The following MLH3 variants were observed in gnomAD, a reference collection of about 807,000 sequenced individuals.
The protein encoded by MLH3 is mutL homolog 3.
A neutral mutation model predicts 122.2 loss-of-function variants in MLH3; 82 were observed. The observed-to-expected ratio is 0.67, with a 90% CI of 0.56 to 0.81. The LOEUF is 0.81. MLH3 is among the 30% of genes least tolerant of loss of function. The pLI is 0.00. For synonymous variants in MLH3, 524 were observed against 599.5 expected (o/e 0.87, Z 1.84); for missense variants, 1,539 against 1,714.5 (o/e 0.90, Z 1.81).
rs1328429818 is a variant in MLH3 at position 75,046,989 on chromosome 14, T to C, written c.2667A>G (p.Thr889=). 2 of 1,614,058 alleles carry C rather than the reference T, an allele frequency of 1.2e-6. No homozygotes were observed. The highest frequency in any genetic ancestry group is 1.3e-5 in the African/African-American group (1 of 74,940). The change falls in exon 2 of 13, where the codon ACA becomes ACG. Residue 889 remains threonine, a synonymous_variant. Coordinates refer to ENST00000355774, the MANE Select transcript of MLH3 (RefSeq NM_001040108.2). ...CATTAAAACGACTCATCATCCCCAT[T>C]GTTTGAGTTTCTCTTTCGGAACCCT... ...RLKGSERETQ[T]MGMMSRFNEL... is the part of the protein sequence containing the mutation.
chr14:75,036,796 A>G (rs1891444516), intron 6 of MLH3: 2 of 456,010 alleles, frequency 4.4e-6, no homozygotes, highest in Non-Finnish European at 8.8e-6. Context: ...CCCATATCCA[A>G]TCCATCACCA....
chr14:75,036,912 A>G (rs1360940901), intron 6 of MLH3, among the ~76,000 whole-genome samples: 2 of 152,138 alleles, frequency 1.3e-5, no homozygotes, highest in African/African-American at 4.8e-5. Context: ...TATTCTTTTA[A>G]CAGTCAATCT....
rs545763648 is a variant in MLH3 at position 75,049,254 on chromosome 14, T to C, written c.402A>G (p.Glu134=). ...FQSGKALKAC[E]ADVTRASAGT... ...CAGCGCTTGCTCTAGTCACATCAGC[T>C]TCACAAGCTTTCAGGGCTTTTCCAC... The change falls in exon 2 of 13, where the codon GAA becomes GAG. Residue 134 remains glutamate (E), a synonymous_variant. Coordinates refer to ENST00000355774, the MANE Select transcript of MLH3 (RefSeq NM_001040108.2). 1 of 1,614,230 alleles carries C rather than the reference T, an allele frequency of 6.2e-7. No individual in the cohort carries two copies. Among genetic ancestry groups the C allele is most frequent in the East Asian group, 2.2e-5 (1 of 44,894 alleles).
chr14:75,039,286 A>G (rs1891643807), intron 5 of MLH3, among the ~76,000 whole-genome samples: 1 of 152,096 alleles, frequency 6.6e-6, no homozygotes, highest in South Asian at 2.1e-4. Context: ...CTATTTCTGG[A>G]TCAACTGCTT....
At position 75,046,240 on chromosome 14, in the gene MLH3, A is replaced by G. The variant is rs181064426; in HGVS notation, c.3280+136T>C. Reference sequence around the variant, plus strand: ...GCAAATCTTCATATAGCATGAAAATACAACATATGTTTTATAAGTGGTCTT... The same window carrying G: ...GCAAATCTTCATATAGCATGAAAATGCAACATATGTTTTATAAGTGGTCTT... On this transcript the variant is annotated intron_variant, in intron 2 of 12. Transcript: ENST00000355774. The G allele has an allele frequency of 3.9e-4, 352 of 896,808 alleles. 1 individual carries two copies. In the African/African-American group the frequency reaches 5.4e-3, roughly 14 times the overall value. The allele number at this position is 896,808 out of a possible 1,614,324, so 55.6% of individuals were successfully genotyped here.
chr14:75,048,486 G>C lies in MLH3; in HGVS notation c.1170C>G (p.Phe390Leu), dbSNP rs1892424563. Residue 390 changes from phenylalanine (F) to leucine (L), a missense_variant, in exon 2 of 13, where the codon TTC becomes TTG. Physicochemically the swap from Phe to Leu is conservative, Grantham distance 22. Transcript: ENST00000355774. Reference sequence around the variant, plus strand: ...CTAAAATATTATTACATGCTTCCTGGAAATTGCTCCTCTCATCGGAAGTCA... The same window carrying C: ...CTAAAATATTATTACATGCTTCCTGCAAATTGCTCCTCTCATCGGAAGTCA... ...KRVTSDERSN[F>L]QEACNNILDS... The C allele has an allele frequency of 6.2e-7, 1 of 1,612,824 alleles. No homozygotes were observed. Among genetic ancestry groups the C allele is most frequent in the African/African-American group, 1.3e-5 (1 of 74,838 alleles).
At chr14:75,035,807 C>T (rs192718879) in intron 6 of MLH3, among the ~76,000 whole-genome samples, 47 of 152,162 alleles carry the variant, frequency 3.1e-4, no homozygotes, top group African/African-American at 9.6e-4. Context: ...GGACTTTATC[C>T]CATCAGGCAT....
chr14:75,024,168 ATTTTTATTTTAT>A (rs943608889), intron 9 of MLH3, among the ~76,000 whole-genome samples: 2 of 152,094 alleles, frequency 1.3e-5, no homozygotes, highest in Admixed American at 6.6e-5. Flanking sequence ...ATAATTTAAT[ATTTTTATTTTAT>A]TTTTTATTTA....
rs108622 is a variant in MLH3, at chr14:75,015,205, A to G, written c.*1877T>C. The stretch of plus-strand genomic sequence containing the variant: ...AGGCGATAAAGGTAATCTATTAGAT[A>G]TTTTTCCCTAATAGGTTGTTTTTAT... On this transcript the variant is annotated 3_prime_UTR_variant, in exon 13 of 13. Transcript: ENST00000355774. 69,466 of 176,520 alleles carry G rather than the reference A, an allele frequency of 0.39. 14,451 individuals are homozygous for G. Among genetic ancestry groups the G allele is most frequent in the Middle Eastern group, 0.5 (221 of 444 alleles). The allele number at this position is 176,520 out of a possible 1,614,324, so 10.9% of individuals were successfully genotyped here.
chr14:75,021,003 A>G (rs1027861465), intron 11 of MLH3: 1 of 152,094 alleles, frequency 6.6e-6, no homozygotes, highest in Admixed American at 6.6e-5. Context: ...CAGCCTCCTG[A>G]GTAGCTGGGA....
chr14:75,040,833 A>T (rs1891804184), intron 4 of MLH3, among the ~76,000 whole-genome samples: 1 of 152,190 alleles, frequency 6.6e-6, no homozygotes, highest in Admixed American at 6.5e-5. Flanking sequence ...AGGGTTTCTG[A>T]GAGTGGTAAA....
intron 12 of MLH3, among the ~76,000 whole-genome samples, chr14:75,018,164 A>C (rs1215329225): frequency 6.7e-6 from 1 of 150,260 alleles, no homozygotes; most frequent in African/African-American, 2.4e-5. Context: ...AAAAAAAAGG[A>C]AAGATTTTGG....
intron 9 of MLH3, among the ~76,000 whole-genome samples, chr14:75,029,998 G>GGA (rs1283684744): frequency 1.9e-4 from 27 of 141,824 alleles, no homozygotes; most frequent in Non-Finnish European, 3.5e-4. Flanking sequence ...AAAAAAAAAG[G>GGA]AAAAAATTAG....
In MLH3 at chr14:75,013,948, C is replaced by T. The variant is rs1380097536; in HGVS notation, c.*3134G>A. 5.3e-6 allele frequency: 1 copy of T among 189,402 alleles called. No individual in the cohort carries two copies. The highest frequency in any genetic ancestry group is 1.1e-5 in the Non-Finnish European group (1 of 90,090). The allele number at this position is 189,402 out of a possible 1,614,324, so 11.7% of individuals were successfully genotyped here. On this transcript the variant is annotated 3_prime_UTR_variant, in exon 13 of 13. Coordinates refer to ENST00000355774, the MANE Select transcript of MLH3 (RefSeq NM_001040108.2). ...ACTGGCCAGCATACTGGCCGGTTCT[C>T]TCTGTTAGCAGACTTTTGCCAAGGG...
chr14:75,044,952 A>G (rs1466700482), intron 2 of MLH3, among the ~76,000 whole-genome samples: 1 of 152,192 alleles, frequency 6.6e-6, no homozygotes, highest in Non-Finnish European at 1.5e-5. Flanking sequence ...CTCTCAACAC[A>G]CTGCCAAAGC....
intron 5 of MLH3, among the ~76,000 whole-genome samples, 200 bp from the exon 6 acceptor site, chr14:75,038,612 G>A (rs1214161867): frequency 6.6e-6 from 1 of 152,146 alleles, no homozygotes; most frequent in African/African-American, 2.4e-5. Context: ...TTGATCAGAA[G>A]ATGTAAGGGG....
chr14:75,032,398 C>T (rs768636435), intron 7 of MLH3, among the ~76,000 whole-genome samples: 1 of 152,182 alleles, frequency 6.6e-6, no homozygotes, highest in Non-Finnish European at 1.5e-5. Context: ...ATAAGACTTG[C>T]ATCTTACATT....
chr14:75,051,465 C>G lies in MLH3; in HGVS notation c.-149G>C, dbSNP rs886050783. ...TTGGATCTTGAGGCTCGTGCGTGCC[C>G]ACGAGCATGCGCTTCGGAGGGGGCG... On this transcript the variant is annotated 5_prime_UTR_variant, in exon 1 of 13. Transcript: ENST00000355774. 3.9e-5 allele frequency: 6 copies of G among 152,158 alleles called. No homozygotes were observed. Among genetic ancestry groups the G allele is most frequent in the Non-Finnish European group, 7.3e-5 (5 of 68,028 alleles). 9.4% of individuals were successfully genotyped at this position (152,158 alleles called of 1,614,324 possible). A position where few individuals can be genotyped will look rare whatever the true frequency, so the allele number is the denominator to read the frequency against.
intron 3 of MLH3, among the ~76,000 whole-genome samples, chr14:75,042,156 T>G (rs1891898639): frequency 6.6e-6 from 1 of 152,254 alleles, no homozygotes; most frequent in African/African-American, 2.4e-5. Flanking sequence ...CACCACAGAC[T>G]ATGCATAATC....
Sources: allele counts gnomAD v4.1 joint callset (sites outside exome capture counted in the v4.1 genomes callset), GRCh38; gene constraint gnomAD v4.1.1; transcripts MANE v1.5; gene names NCBI Gene and HGNC (gene_info 2026-07-23, HGNC 2026-07-21).